Variants in DOCK6 observed in about 807,000 individuals in gnomAD.
The protein encoded by DOCK6 is dedicator of cytokinesis protein 6.
A neutral mutation model predicts 230.3 loss-of-function variants in DOCK6; 167 were observed. The observed-to-expected ratio is 0.73, with a 90% CI of 0.64 to 0.82. The LOEUF (loss-of-function observed/expected upper bound fraction) is 0.82. Among genes scored for constraint, DOCK6 ranks in the 40% least tolerant of loss-of-function variants. The probability of loss-of-function intolerance (pLI) is 0.00; values close to 1 mark genes in which losing one functional copy is unlikely to be tolerated. For missense variants in DOCK6, 2,598 were observed against 2,825.8 expected (o/e 0.92, Z 1.83); for synonymous variants, 1,148 against 1,185.0 (o/e 0.97, Z 0.64).
rs1254851610 is a variant in DOCK6 at position 11,243,054 on chromosome 19, C to A, written c.1480+5G>T. ...TACTTCTTGTGTATGGGGTGTGCCA[C>A]GCACCAGTCACAGGACGTAGTCGCC... On this transcript the variant is annotated splice_donor_5th_base_variant and intron_variant, in intron 13 of 47. Transcript: ENST00000294618. The surrounding 1 kb of genome is among the most constrained non-coding windows in gnomAD (Gnocchi z 6.3). 6.2e-7 allele frequency: 1 copy of A among 1,613,764 alleles called. No homozygotes were observed. The highest frequency in any genetic ancestry group is 1.1e-5 in the South Asian group (1 of 91,092).
intron 6 of DOCK6, among the ~76,000 whole-genome samples, chr19:11,249,621 C>T (rs1437826823): frequency 6.6e-6 from 1 of 151,466 alleles, no homozygotes; most frequent in African/African-American, 2.4e-5. Context: ...TGAGGCCAGG[C>T]GCGGTGGCTC....
chr19:11,244,065 T>A (rs1448196564), intron 9 of DOCK6, among the ~76,000 whole-genome samples, 183 bp from the exon 10 acceptor site: 1 of 152,228 alleles, frequency 6.6e-6, no homozygotes, highest in Non-Finnish European at 1.5e-5. Context: ...TTGGCCTGCC[T>A]GGTGGCTACT....
At chr19:11,225,283 G>T (rs1359530693) in intron 24 of DOCK6, among the ~76,000 whole-genome samples, 1 of 152,188 alleles carries the variant, frequency 6.6e-6, no homozygotes, top group African/African-American at 2.4e-5. Flanking sequence ...CTTTCTTGGG[G>T]TAGTTTCCTC....
At position 11,222,972 on chromosome 19, in the gene DOCK6, C is replaced by G. The variant is rs781234253; in HGVS notation, c.3069+21G>C. On this transcript the variant is annotated intron_variant, in intron 25 of 47. Transcript: ENST00000294618. This position sits in a 1 kb window ranked among gnomAD's most constrained non-coding sequence, Gnocchi z 4.0. ...CGCCTTCCATCCATGCCATGCCCAC[C>G]CTGCCCACGCCCACTCCTACCTGCT... 6.2e-7 allele frequency: 1 copy of G among 1,613,720 alleles called. No individual in the cohort carries two copies. The highest frequency in any genetic ancestry group is 8.5e-7 in the Non-Finnish European group (1 of 1,179,792).
At position 11,254,419 on chromosome 19, in the gene DOCK6, C is replaced by T. The variant is rs908906731; in HGVS notation, c.45-693G>A. On this transcript the variant is annotated intron_variant, in intron 1 of 47. Transcript: ENST00000294618. ...TTCAAAATCAGGGAGGATGGCCAGGCATGGTGGCTCACACCTATAATCCCA... is the reference window on the plus strand; with the variant it reads ...TTCAAAATCAGGGAGGATGGCCAGGTATGGTGGCTCACACCTATAATCCCA... Among the ~76,000 whole-genome samples, 9 of 152,082 alleles carry T rather than the reference C, an allele frequency of 5.9e-5. No homozygotes were observed. The South Asian group carries it at 8.3e-4, about 14-fold the overall frequency.
intron 1 of DOCK6, 170 bp from the exon 2 acceptor site, chr19:11,253,896 C>G (rs572794767): frequency 1.5e-4 from 81 of 536,224 alleles, no homozygotes; most frequent in African/African-American, 1.4e-3. Flanking sequence ...GTTCCCCCAA[C>G]GCGTTCCCCA....
intron 6 of DOCK6, among the ~76,000 whole-genome samples, 180 bp downstream of exon 6, chr19:11,250,694 C>G (rs2080103596): frequency 6.6e-6 from 1 of 152,080 alleles, no homozygotes; most frequent in Non-Finnish European, 1.5e-5. Flanking sequence ...TAGTAGGTGT[C>G]CACATATAGA....
intron 33 of DOCK6, 67 bp downstream of exon 33, chr19:11,214,486 G>A (rs2079446617): frequency 6.2e-7 from 1 of 1,613,406 alleles, no homozygotes; most frequent in East Asian, 2.2e-5. Flanking sequence ...AGGGATTATG[G>A]AGTCAGAGAC....
Position 11,235,877 on chromosome 19 carries a change from ATTTTTTTTTTTT to A in DOCK6, c.2393-130_2393-119del, listed in dbSNP as rs56665433. 3.4e-6 allele frequency: 3 copies of A among 885,938 alleles called. No homozygotes were observed. In the East Asian group the frequency reaches 1.1e-4, roughly 33 times the overall value. The allele number at this position is 885,938 out of a possible 1,614,324, so 54.9% of individuals were successfully genotyped here. ...TCATGTGCTCATTAAGGGGTCACAA[ATTTTTTTTTTTT>A]TTTTTTTTTGAGATGGAGTCTTGCT... On this transcript the variant is annotated intron_variant, in intron 20 of 47. Transcript: ENST00000294618.
At chr19:11,239,729 A>G in intron 14 of DOCK6, 1 of 1,613,336 alleles carries the variant, frequency 6.2e-7, no homozygotes, top group Non-Finnish European at 8.5e-7. Flanking sequence ...GAACTGGCAC[A>G]GCATGAGGAG....
chr19:11,254,838 G>A (rs2080173841), intron 1 of DOCK6, among the ~76,000 whole-genome samples: 1 of 152,184 alleles, frequency 6.6e-6, no homozygotes, highest in Admixed American at 6.5e-5. Context: ...GAGCCATGCA[G>A]TTACCTGAGG....
intron 22 of DOCK6, among the ~76,000 whole-genome samples, chr19:11,230,777 C>G (rs2079753143): frequency 6.6e-6 from 1 of 152,078 alleles, no homozygotes; most frequent in African/African-American, 2.4e-5. Flanking sequence ...AGGCCTGGCC[C>G]TGCCCAAGCC....
intron 1 of DOCK6, among the ~76,000 whole-genome samples, chr19:11,259,977 G>A (rs11085768): frequency 0.22 from 31,290 of 142,036 alleles, 3,523 homozygotes; most frequent in East Asian, 0.41. Flanking sequence ...TCCACCTCCT[G>A]GGTTCAAGTG....
rs753962526 is a variant in DOCK6, at chr19:11,202,082, T to A, written c.5495A>T (p.Tyr1832Phe). 14 of 1,613,958 alleles carry A rather than the reference T, an allele frequency of 8.7e-6. No homozygotes were observed. The highest frequency in any genetic ancestry group is 1.2e-5 in the Non-Finnish European group (14 of 1,179,900). ...ITYVEPYFDT[Y>F]ELKDRVTYFD... ...GTAGGTCACCCGGTCCTTGAGCTCG[T>A]AGGTATCAAAGTACGGTTCCACATA... Residue 1832 changes from tyrosine (Y) to phenylalanine (F), a missense_variant, in exon 44 of 48, where the codon TAC (tyrosine) becomes TTC (phenylalanine). Coordinates refer to ENST00000294618, the MANE Select transcript of DOCK6 (RefSeq NM_020812.4). The surrounding 1 kb of genome is among the most constrained non-coding windows in gnomAD (Gnocchi z 5.3).
Position 11,217,290 on chromosome 19 carries a change from T to C in DOCK6, c.3652A>G (p.Ile1218Val), listed in dbSNP as rs1568229454. The change falls in exon 29 of 48, where the codon ATT becomes GTT. Residue 1218 changes from isoleucine to valine, a missense_variant. Ile to Val is a conservative substitution (Grantham distance 29). Coordinates refer to ENST00000294618, the MANE Select transcript of DOCK6 (RefSeq NM_020812.4). ...CCAGGGGCTAGGGGGCCACCAGCAA[T>C]GGCCATGGCCACAGAGGGGTTGATG... is the stretch of plus-strand genomic sequence containing the variant. ...GTINPSVAMAIAGGPLAPGSR... is the reference protein window; with the variant it reads ...GTINPSVAMAVAGGPLAPGSR... 3 of 1,613,028 alleles carry C rather than the reference T, an allele frequency of 1.9e-6. 1 individual carries two copies. The highest frequency in any genetic ancestry group is 1.6e-4 in the Middle Eastern group (1 of 6,062).
intron 1 of DOCK6, chr19:11,253,972 T>G: frequency 1.3e-5 from 5 of 389,182 alleles, no homozygotes; most frequent in East Asian, 4.7e-5. Flanking sequence ...CGGACTCTCC[T>G]TCCCCTCCCG....
At chr19:11,249,521 T>A (rs969453096) in intron 6 of DOCK6, among the ~76,000 whole-genome samples, 5 of 147,712 alleles carry the variant, frequency 3.4e-5, no homozygotes, top group African/African-American at 5.0e-5. Flanking sequence ...AAAAAAAAAA[T>A]TTATTTTATA....
chr19:11,215,543 C>G, intron 31 of DOCK6, 72 bp from the exon 32 acceptor site: 1 of 1,470,974 alleles, frequency 6.8e-7, no homozygotes, highest in South Asian at 1.2e-5. Flanking sequence ...GAGAAATGCA[C>G]AGGCATGAAG....
rs56322906 is a variant in DOCK6, at chr19:11,235,479, G to A, written c.2554+119C>T. 0.068 allele frequency: 69,057 copies of A among 1,016,112 alleles called. 4,384 individuals are homozygous for A. The highest frequency in any genetic ancestry group is 0.25 in the East Asian group (9,156 of 36,938). 62.9% of individuals were successfully genotyped at this position (1,016,112 alleles called of 1,614,324 possible). A position where few individuals can be genotyped will look rare whatever the true frequency, so the allele number is the denominator to read the frequency against. ...TTGGCCAAGTTGATCTCGAACTCCTGACCTCAAATGATCCATCCAGCTCGG... is the reference window on the plus strand; with the variant it reads ...TTGGCCAAGTTGATCTCGAACTCCTAACCTCAAATGATCCATCCAGCTCGG... On this transcript the variant is annotated intron_variant, in intron 21 of 47. Transcript: ENST00000294618.
Sources: allele counts gnomAD v4.1 joint callset (sites outside exome capture counted in the v4.1 genomes callset), GRCh38; gene constraint gnomAD v4.1.1; non-coding constraint Gnocchi (gnomAD v3.1); transcripts MANE v1.5; gene names NCBI Gene and HGNC (gene_info 2026-07-23, HGNC 2026-07-21).